Variants in IGSF5 observed in about 807,000 individuals in gnomAD.
IGSF5 encodes immunoglobulin superfamily member 5.
Under a neutral mutation model 39.4 loss-of-function variants are expected in IGSF5, and 41 were observed. That is an observed-to-expected ratio of 1.04 (90% CI 0.81 to 1.35). IGSF5 has a LOEUF of 1.35. IGSF5 is among the 40% of genes most tolerant of loss of function. The pLI, the probability that IGSF5 is intolerant of heterozygous loss-of-function variation, is 0.00. For missense variants in IGSF5, 487 were observed against 494.6 expected (o/e 0.98, Z 0.15); for synonymous variants, 183 against 175.3 (o/e 1.04, Z -0.34).
At chr21:39,800,318 T>G (rs1176003590) in intron 8 of IGSF5, among the ~76,000 whole-genome samples, 1 of 152,182 alleles carries the variant, frequency 6.6e-6, no homozygotes, top group African/African-American at 2.4e-5. Context: ...ATAAACAACT[T>G]GAGACCTGGA....
chr21:39,762,485 G>GCGACCAGGGTTC (rs1167547198), intron 2 of IGSF5, among the ~76,000 whole-genome samples: 2 of 152,142 alleles, frequency 1.3e-5, no homozygotes, highest in African/African-American at 4.8e-5. Context: ...AGGGGTTGTG[G>GCGACCAGGGTTC]CGACCAGGGT....
chr21:39,740,299 T>C (rs1437316499), upstream of IGSF5, among the ~76,000 whole-genome samples: 1 of 152,218 alleles, frequency 6.6e-6, no homozygotes, highest in East Asian at 1.9e-4. Context: ...TTTCCTTTCC[T>C]TTCTGATGAC....
intron 6 of IGSF5, among the ~76,000 whole-genome samples, chr21:39,790,994 A>G (rs2146293580): frequency 6.6e-6 from 1 of 152,332 alleles, no homozygotes; most frequent in East Asian, 1.9e-4. Context: ...CAAATCCTAC[A>G]CCATTTTATA....
chr21:39,755,746 G>A (rs906595483), intron 2 of IGSF5, among the ~76,000 whole-genome samples: 1 of 152,156 alleles, frequency 6.6e-6, no homozygotes, highest in Non-Finnish European at 1.5e-5. Context: ...GTCTATTGTA[G>A]ATTATTGCAA....
chr21:39,779,063 A>C, intron 4 of IGSF5, 27 bp from the exon 5 acceptor site: 1 of 1,608,852 alleles, frequency 6.2e-7, no homozygotes, highest in Non-Finnish European at 8.5e-7. Flanking sequence ...TGCAAGTATC[A>C]CTAAAATATA....
At chr21:39,736,834 T>C in the IGSF5 span, among the ~76,000 whole-genome samples, 8 of 152,208 alleles carry the variant, frequency 5.3e-5, no homozygotes, top group Admixed American at 3.3e-4. Flanking sequence ...CCGGGCATCT[T>C]GGTGAGGGGA....
upstream of IGSF5, among the ~76,000 whole-genome samples, chr21:39,744,596 G>C (rs573075945): frequency 2.6e-5 from 4 of 152,218 alleles, no homozygotes; most frequent in East Asian, 5.8e-4. Flanking sequence ...AGGTCTGGTC[G>C]GACCTTTGTA....
At chr21:39,767,875 C>CTA (rs2080094562) in intron 3 of IGSF5, among the ~76,000 whole-genome samples, 1 of 152,100 alleles carries the variant, frequency 6.6e-6, no homozygotes, top group Admixed American at 6.5e-5. Flanking sequence ...GATGTGCCTT[C>CTA]CAGGTCTGTA....
chr21:39,748,626 C>A (rs796383329), intron 2 of IGSF5, among the ~76,000 whole-genome samples: 24 of 152,168 alleles, frequency 1.6e-4, no homozygotes, highest in East Asian at 5.8e-4. Flanking sequence ...ATTTTGAGGA[C>A]CTTATGACCT....
chr21:39,720,210 C>T, the IGSF5 span, among the ~76,000 whole-genome samples: 313 of 152,244 alleles, frequency 2.1e-3, 4 homozygotes, highest in African/African-American at 6.9e-3. Flanking sequence ...ATGCCTCTCA[C>T]GCACAGTTCA....
At chr21:39,791,890 A>C in intron 6 of IGSF5, 118 bp from the exon 7 acceptor site, 4 of 671,448 alleles carry the variant, frequency 6.0e-6, no homozygotes, top group Middle Eastern at 4.1e-4. Flanking sequence ...TGTTAAGTTC[A>C]ATGTGTAAGC....
At chr21:39,737,533 G>T in the IGSF5 span, among the ~76,000 whole-genome samples, 1 of 152,078 alleles carries the variant, frequency 6.6e-6, no homozygotes, top group Non-Finnish European at 1.5e-5. Context: ...CCTTCTTTTG[G>T]TTTAATCCAT....
intron 5 of IGSF5, 23 bp from the exon 6 acceptor site, chr21:39,788,144 T>C (rs1472984225): frequency 3.8e-6 from 6 of 1,571,602 alleles, no homozygotes; most frequent in South Asian, 1.1e-5. Flanking sequence ...ATTTTTCCAA[T>C]GTAATTTTGT....
intron 3 of IGSF5, 93 bp from the exon 4 acceptor site, chr21:39,770,823 C>T (rs1488073409): frequency 2.7e-5 from 26 of 964,658 alleles, no homozygotes; most frequent in Non-Finnish European, 3.4e-5. Flanking sequence ...TAATTTGAAG[C>T]AAAACTTAAA....
intron 7 of IGSF5, among the ~76,000 whole-genome samples, chr21:39,792,317 A>T (rs1346479392): frequency 6.6e-6 from 1 of 152,102 alleles, no homozygotes; most frequent in Non-Finnish European, 1.5e-5. Flanking sequence ...AAATAAAGTG[A>T]GGAAGAACCC....
chr21:39,757,703 A>C (rs916078409), intron 2 of IGSF5, among the ~76,000 whole-genome samples: 1 of 151,378 alleles, frequency 6.6e-6, no homozygotes, highest in East Asian at 1.9e-4. Flanking sequence ...CAGCCTCCTG[A>C]GTACCTGGGA....
chr21:39,793,407 T>C (rs1015877462), intron 7 of IGSF5, 127 bp from the exon 8 acceptor site: 16 of 626,188 alleles, frequency 2.6e-5, no homozygotes, highest in Non-Finnish European at 3.9e-5. Context: ...AAAAAAGTGT[T>C]CATGGTTAAG....
chr21:39,741,105 G>C (rs903007001), upstream of IGSF5, among the ~76,000 whole-genome samples: 2 of 150,910 alleles, frequency 1.3e-5, no homozygotes, highest in African/African-American at 4.9e-5. Context: ...TTTTTTCTTT[G>C]TTTGTTTGTT....
At chr21:39,795,052 C>T (rs1475502221) in intron 8 of IGSF5, among the ~76,000 whole-genome samples, 1 of 152,046 alleles carries the variant, frequency 6.6e-6, no homozygotes, top group Non-Finnish European at 1.5e-5. Flanking sequence ...GACAACAAGA[C>T]ATATGAGGGG....
Sources: allele counts gnomAD v4.1 joint callset (sites outside exome capture counted in the v4.1 genomes callset), GRCh38; gene constraint gnomAD v4.1.1; transcripts MANE v1.5; gene names NCBI Gene and HGNC (gene_info 2026-07-23, HGNC 2026-07-21).